FYCO1: variants seen among roughly 807,000 people sequenced by gnomAD.
FYCO1 encodes the protein FYVE and coiled-coil domain-containing protein 1.
In FYCO1, 122 loss-of-function variants were observed where a neutral mutation model predicts 165.1. That is an observed-to-expected ratio of 0.74 (90% CI 0.64 to 0.86). The LOEUF (loss-of-function observed/expected upper bound fraction) is 0.86, where lower values mean the gene tolerates loss of function less well. FYCO1 is among the 40% of genes least tolerant of loss of function. The pLI, the probability that FYCO1 is intolerant of heterozygous loss-of-function variation, is 0.00. For synonymous variants in FYCO1, 648 were observed against 742.5 expected (o/e 0.87, Z 2.07); for missense variants, 1,702 against 1,810.3 (o/e 0.94, Z 1.09).
chr3:45,924,472 C>T (rs1703227906), intron 16 of FYCO1, among the ~76,000 whole-genome samples: 1 of 152,168 alleles, frequency 6.6e-6, no homozygotes, highest in Admixed American at 6.5e-5. Context: ...TAGACAGGGC[C>T]AGGGCTCAGA....
chr3:45,926,837 G>A (rs189240286), intron 16 of FYCO1, among the ~76,000 whole-genome samples: 35 of 152,278 alleles, frequency 2.3e-4, no homozygotes, highest in Non-Finnish European at 4.1e-4. Flanking sequence ...GGTGGCGCAT[G>A]CCTGTAATCC....
At chr3:45,980,852 C>T (rs1278122865) in intron 3 of FYCO1, among the ~76,000 whole-genome samples, 1 of 152,102 alleles carries the variant, frequency 6.6e-6, no homozygotes, top group Non-Finnish European at 1.5e-5. Context: ...CACCTAATAC[C>T]ACTACCCTAA....
intron 1 of FYCO1, among the ~76,000 whole-genome samples, chr3:45,992,874 A>G (rs1707624450): frequency 6.6e-6 from 1 of 151,790 alleles, no homozygotes; most frequent in Non-Finnish European, 1.5e-5. Context: ...ATCCAGCCCT[A>G]TCCTGGACTT....
chr3:45,968,277 C>A lies in FYCO1; in HGVS notation c.1057G>T (p.Ala353Ser). The A allele has an allele frequency of 1.9e-6, 3 of 1,613,958 alleles. No homozygotes were observed. Among genetic ancestry groups the A allele is most frequent in the Non-Finnish European group, 2.5e-6 (3 of 1,180,024 alleles). The change falls in exon 8 of 18, where the codon GCC (alanine) becomes TCC (serine). Residue 353 changes from alanine to serine, a missense_variant. Transcript: ENST00000296137. ...MLQPLAQELE[A>S]TRDSLDKKNQ... ...TTCTTGTCCAGTGAGTCCCGTGTGG[C>A]CTCAAGCTCCTGTGCCAAGGGCTGC...
chr3:45,939,802 T>C (rs1161233067), intron 14 of FYCO1, among the ~76,000 whole-genome samples: 1 of 152,232 alleles, frequency 6.6e-6, no homozygotes, highest in Non-Finnish European at 1.5e-5. Context: ...CACTCTTCAA[T>C]ACAGTAGCCA....
In FYCO1 at chr3:45,959,644, T is replaced by C. The variant is rs144395857; in HGVS notation, c.3438-102A>G. 30 of 1,282,544 alleles carry C rather than the reference T, an allele frequency of 2.3e-5. No homozygotes were observed. The East Asian group carries it at 7.1e-4, about 30-fold the overall frequency. The allele number at this position is 1,282,544 out of a possible 1,614,324, so 79.4% of individuals were successfully genotyped here. On this transcript the variant is annotated intron_variant, in intron 11 of 17. Transcript: ENST00000296137. ...GACTGGTATCAAATTTCCTAAGTCATAGAAAGAAAATTCACTTTCACCTTG... is the reference window on the plus strand; with the variant it reads ...GACTGGTATCAAATTTCCTAAGTCACAGAAAGAAAATTCACTTTCACCTTG...
Position 45,918,778 on chromosome 3 carries a change from T to C in FYCO1, c.*2987A>G, listed in dbSNP as rs915830255. The C allele has an allele frequency of 2.0e-5, 3 of 152,218 alleles. No homozygotes were observed. Among genetic ancestry groups the C allele is most frequent in the Non-Finnish European group, 4.4e-5 (3 of 68,046 alleles). The allele number at this position is 152,218 out of a possible 1,614,324, so 9.4% of individuals were successfully genotyped here. ...ATATGACGTGGCTTTTCATTTCTAT[T>C]CTCCAAACCCTGTGGAGTTTTTCAG... is the stretch of plus-strand genomic sequence containing the variant. On this transcript the variant is annotated 3_prime_UTR_variant, in exon 18 of 18. Coordinates refer to ENST00000296137, the MANE Select transcript of FYCO1 (RefSeq NM_024513.4).
At chr3:45,947,063 C>T in intron 14 of FYCO1, 2 of 1,614,180 alleles carry the variant, frequency 1.2e-6, no homozygotes, top group South Asian at 2.2e-5. Flanking sequence ...TTCTTGCCAC[C>T]CAGATGACAC....
chr3:45,924,688 C>A (rs1487698653), intron 16 of FYCO1, among the ~76,000 whole-genome samples: 1 of 151,830 alleles, frequency 6.6e-6, no homozygotes, highest in African/African-American at 2.4e-5. Context: ...TCTTGGCTCA[C>A]TGCAATCTCC....
At position 45,921,406 on chromosome 3, in the gene FYCO1, T is replaced by C. The variant is rs1348180395; in HGVS notation, c.*359A>G. 2.9e-6 allele frequency: 1 copy of C among 340,402 alleles called. No homozygotes were observed. Among genetic ancestry groups the C allele is most frequent in the Non-Finnish European group, 5.7e-6 (1 of 174,868 alleles). The allele number at this position is 340,402 out of a possible 1,614,324, so 21.1% of individuals were successfully genotyped here. ...AGAAAATCTCTCCACAGGCAGAAGTTGGAATCACCCCTGCCCGTGAAACTC... is the reference window on the plus strand; with the variant it reads ...AGAAAATCTCTCCACAGGCAGAAGTCGGAATCACCCCTGCCCGTGAAACTC... On this transcript the variant is annotated 3_prime_UTR_variant, in exon 18 of 18. Coordinates refer to ENST00000296137, the MANE Select transcript of FYCO1 (RefSeq NM_024513.4).
rs1705875927 is a variant in FYCO1, at chr3:45,964,435, C to T, written c.3170G>A (p.Gly1057Glu). 7 of 1,614,024 alleles carry T rather than the reference C, an allele frequency of 4.3e-6. No homozygotes were observed. Among genetic ancestry groups the T allele is most frequent in the Non-Finnish European group, 5.9e-6 (7 of 1,179,904 alleles). ...GTTGCTAGTGCAGCTCAGCTTCTCT[C>T]CCATGTCTGCTTGGGTGGCCTGGCA... ...EKLKATQADM[G>E]EKLSCTSNHL... The change falls in exon 10 of 18, where the codon GGA (glycine) becomes GAA (glutamate). Residue 1057 changes from glycine (G) to glutamate (E), a missense_variant. Gly to Glu is a moderately conservative substitution (Grantham distance 98, BLOSUM62 -2). Coordinates refer to ENST00000296137, the MANE Select transcript of FYCO1 (RefSeq NM_024513.4). The surrounding 1 kb of genome is among the most constrained non-coding windows in gnomAD (Gnocchi z 4.1).
chr3:45,960,096 A>G (rs1437738069), intron 11 of FYCO1, among the ~76,000 whole-genome samples: 2 of 152,194 alleles, frequency 1.3e-5, no homozygotes, highest in Non-Finnish European at 2.9e-5. Context: ...GCCAGACTCA[A>G]AGAAGTGTGA....
Position 45,966,633 on chromosome 3 carries a change from C to T in FYCO1, c.2701G>A (p.Ala901Thr). 2.5e-6 allele frequency: 4 copies of T among 1,614,172 alleles called. No individual in the cohort carries two copies. Among genetic ancestry groups the T allele is most frequent in the South Asian group, 1.1e-5 (1 of 91,088 alleles). Reference protein sequence around the residue: ...HAELQEQLHRANTDTAELGIQ... With the variant: ...HAELQEQLHRTNTDTAELGIQ... The stretch of plus-strand genomic sequence containing the variant: ...CCCAGCTCAGCTGTGTCTGTGTTGG[C>T]CCGGTGCAGCTGCTCTTGCAGCTCA... Residue 901 changes from alanine to threonine, a missense_variant, in exon 8 of 18, where the codon GCC becomes ACC. By Grantham distance (58) the Ala-to-Thr change is moderately conservative. Transcript: ENST00000296137.
rs141689540 is a variant in FYCO1, at chr3:45,966,820, G to C, written c.2514C>G (p.Asn838Lys). Reference protein sequence around the residue: ...QQLKEQNEALNRAHVQELLQC... With the variant: ...QQLKEQNEALKRAHVQELLQC... ...GCAGCAGCTCCTGGACATGGGCTCT[G>C]TTAAGGGCTTCATTCTGCTCCTTCA... is the stretch of plus-strand genomic sequence containing the variant. Residue 838 changes from asparagine (N) to lysine (K), a missense_variant, in exon 8 of 18, where the codon AAC (asparagine) becomes AAG (lysine). By Grantham distance (94) the Asn-to-Lys change is moderately conservative (BLOSUM62 0). Transcript: ENST00000296137. The C allele has an allele frequency of 1.7e-4, 268 of 1,610,774 alleles. No individual in the cohort carries two copies. Among genetic ancestry groups the C allele is most frequent in the Non-Finnish European group, 2.2e-4 (260 of 1,180,012 alleles).
intron 1 of FYCO1, among the ~76,000 whole-genome samples, chr3:45,988,849 T>G (rs1707437033): frequency 6.6e-6 from 1 of 152,182 alleles, no homozygotes; most frequent in Non-Finnish European, 1.5e-5. Context: ...TAGATATCAT[T>G]TTAGAAGTAA....
At chr3:45,970,788 C>T (rs1187480028) in intron 6 of FYCO1, among the ~76,000 whole-genome samples, 1 of 151,984 alleles carries the variant, frequency 6.6e-6, no homozygotes, top group Non-Finnish European at 1.5e-5. Flanking sequence ...GATACAAAAT[C>T]TCAAAAACAA....
In FYCO1 at chr3:45,967,677, G is replaced by A. The variant is rs200420380; in HGVS notation, c.1657C>T (p.Leu553Phe). ...CCAGGCGGCCCAGCAAGCCGCTCGA[G>A]CATACCCACCTGCTGGCTGAGGTGG... ...KDHLSQQVGM[L>F]ERLAGPPGPE... is the part of the protein sequence containing the mutation. The change falls in exon 8 of 18, where the codon CTC becomes TTC. Residue 553 changes from leucine (L) to phenylalanine (F), a missense_variant. Transcript: ENST00000296137. 31 of 1,613,780 alleles carry A rather than the reference G, an allele frequency of 1.9e-5. No individual in the cohort carries two copies. In the African/African-American group the frequency reaches 3.1e-4, roughly 16 times the overall value.
chr3:45,935,560 T>C (rs1254747820), intron 15 of FYCO1, among the ~76,000 whole-genome samples: 1 of 152,228 alleles, frequency 6.6e-6, no homozygotes, highest in Non-Finnish European at 1.5e-5. Context: ...CCTGAAATGC[T>C]ATACCCGCAG....
rs965686983 is a variant in FYCO1, at chr3:45,993,980, A to G, written c.-113+1742T>C. Among the ~76,000 whole-genome samples, 2 of 152,250 alleles carry G rather than the reference A, an allele frequency of 1.3e-5. No homozygotes were observed. The highest frequency in any genetic ancestry group is 4.8e-5 in the African/African-American group (2 of 41,468). On this transcript the variant is annotated intron_variant, in intron 1 of 17. Coordinates refer to ENST00000296137, the MANE Select transcript of FYCO1 (RefSeq NM_024513.4). The surrounding 1 kb of genome is among the most constrained non-coding windows in gnomAD (Gnocchi z 4.4). Reference sequence around the variant, plus strand: ...CTTTGTATTCTTGAGTCAGCAGTCCATAGCCTTGGTGACCAATATGGGTCA... The same window carrying G: ...CTTTGTATTCTTGAGTCAGCAGTCCGTAGCCTTGGTGACCAATATGGGTCA...
Sources: gnomAD v4.1 joint callset for allele counts (sites outside exome capture counted in the v4.1 genomes callset) on GRCh38, gnomAD v4.1.1 for gene constraint, Gnocchi (gnomAD v3.1) non-coding constraint, MANE v1.5 for transcripts, NCBI Gene and HGNC (gene_info 2026-07-23, HGNC 2026-07-21) for gene names.